The following DDX23 variants were observed in gnomAD, a reference collection of about 807,000 sequenced individuals.
DDX23 encodes the protein DEAD-box helicase 23.
A neutral mutation model predicts 102.7 loss-of-function variants in DDX23; 33 were observed. That is an observed-to-expected ratio of 0.32 (90% CI 0.24 to 0.43). The LOEUF (loss-of-function observed/expected upper bound fraction) is 0.43. Among genes scored for constraint, DDX23 ranks in the 20% least tolerant of loss-of-function variants. The pLI is 1.00. For synonymous variants in DDX23, 352 were observed against 376.0 expected, an observed-to-expected ratio of 0.94 and a Z score of 0.74; for missense variants, 549 against 1,086.6, an observed-to-expected ratio of 0.51 and a Z score of 6.96.
At chr12:48,842,261 G>A (rs1245780546) in intron 3 of DDX23, among the ~76,000 whole-genome samples, 194 of 144,724 alleles carry the variant, frequency 1.3e-3, no homozygotes, top group Non-Finnish European at 7.0e-4. Flanking sequence ...CCGCCCATCC[G>A]GGAGGGAGGT....
At chr12:48,833,158 A>T (rs901579472) in intron 13 of DDX23, 119 bp downstream of exon 13, 2 of 1,472,294 alleles carry the variant, frequency 1.4e-6, no homozygotes, top group Non-Finnish European at 1.8e-6. Flanking sequence ...CTAATTTTTT[A>T]AATTTTTGTA....
At chr12:48,835,642 G>A (rs1393475830) in intron 11 of DDX23, among the ~76,000 whole-genome samples, 13 of 152,126 alleles carry the variant, frequency 8.5e-5, no homozygotes, top group Admixed American at 6.5e-4. Flanking sequence ...CCTGGGAGGA[G>A]GAGGTTGCAG....
chr12:48,846,591 C>G (rs1405150558), intron 1 of DDX23, among the ~76,000 whole-genome samples: 1 of 152,174 alleles, frequency 6.6e-6, no homozygotes, highest in African/African-American at 2.4e-5. Flanking sequence ...CACACTTTTA[C>G]TCAGATTAAA....
intron 3 of DDX23, among the ~76,000 whole-genome samples, chr12:48,842,646 G>A (rs1461134882): frequency 6.7e-6 from 1 of 148,530 alleles, no homozygotes; most frequent in Non-Finnish European, 1.5e-5. Flanking sequence ...CCCTCTGCCC[G>A]GCCAGCCGCC....
chr12:48,838,081 C>G lies in DDX23; in HGVS notation c.481-1G>C. On this transcript the variant is annotated splice_acceptor_variant, in intron 5 of 16. Transcript: ENST00000308025. LOFTEE classifies it high-confidence loss of function. ...GTTCTGCTTTAGAGAGGAACTTGGG[C>G]TACAAAAGAGATTGGAACTGTCAAC... 1 of 1,614,118 alleles carries G rather than the reference C, an allele frequency of 6.2e-7. No homozygotes were observed. The highest frequency in any genetic ancestry group is 2.2e-5 in the East Asian group (1 of 44,882).
intron 1 of DDX23, among the ~76,000 whole-genome samples, chr12:48,849,064 A>C (rs971296128): frequency 6.6e-6 from 1 of 151,766 alleles, no homozygotes; most frequent in African/African-American, 2.4e-5. Flanking sequence ...CTAATTCTTA[A>C]AATTTTTATT....
intron 15 of DDX23, 66 bp from the exon 16 acceptor site, chr12:48,831,382 G>A (rs944542395): frequency 1.3e-5 from 20 of 1,508,222 alleles, no homozygotes; most frequent in Non-Finnish European, 1.8e-5. Flanking sequence ...GAGTTCAGAG[G>A]AATGGGACAC....
In DDX23 at chr12:48,832,305, A is replaced by C; in HGVS notation, c.1955+117T>G. On this transcript the variant is annotated intron_variant, in intron 14 of 16. Transcript: ENST00000308025. This position sits in a 1 kb window ranked among gnomAD's most constrained non-coding sequence, Gnocchi z 4.4. ...TAATGCCCATGACATTCTGCCCAAGAAAACAGCAGCTCTTCAACACAGCAG... is the reference window on the plus strand; with the variant it reads ...TAATGCCCATGACATTCTGCCCAAGCAAACAGCAGCTCTTCAACACAGCAG... 3 of 1,553,706 alleles carry C rather than the reference A, an allele frequency of 1.9e-6. No individual in the cohort carries two copies. The highest frequency in any genetic ancestry group is 2.6e-6 in the Non-Finnish European group (3 of 1,136,942).
chr12:48,837,362 C>T lies in DDX23; in HGVS notation c.785G>A (p.Arg262His). ...CCGGTCATTGAGATGTCTCGTTCGG[C>T]GCCGCTTTTTGATGCCACCCAGGTA... ...ERYLGGIKKRRRTRHLNDRKF... is the reference protein window; with the variant it reads ...ERYLGGIKKRHRTRHLNDRKF... The change falls in exon 8 of 17, where the codon CGC becomes CAC. Residue 262 changes from arginine (R) to histidine (H), a missense_variant. Arg to His is a conservative substitution (Grantham distance 29, BLOSUM62 0). Transcript: ENST00000308025. 6.2e-7 allele frequency: 1 copy of T among 1,614,170 alleles called. No individual in the cohort carries two copies. Among genetic ancestry groups the T allele is most frequent in the Non-Finnish European group, 8.5e-7 (1 of 1,180,034 alleles).
intron 1 of DDX23, among the ~76,000 whole-genome samples, chr12:48,848,957 T>C (rs1938714215): frequency 6.6e-6 from 1 of 151,978 alleles, no homozygotes; most frequent in African/African-American, 2.4e-5. Context: ...TTTCACCATG[T>C]TGGCCAGGCT....
At chr12:48,843,574 A>C (rs997246598) in intron 3 of DDX23, among the ~76,000 whole-genome samples, 1 of 135,216 alleles carries the variant, frequency 7.4e-6, no homozygotes, top group African/African-American at 2.8e-5. Flanking sequence ...TTTGAGACAG[A>C]GTCTTGCTCT....
chr12:48,844,313 C>G (rs1316951662), intron 2 of DDX23, among the ~76,000 whole-genome samples: 3 of 152,110 alleles, frequency 2.0e-5, no homozygotes, highest in African/African-American at 2.4e-5. Flanking sequence ...GAGTCTCACT[C>G]TCACGCCCAG....
intron 3 of DDX23, among the ~76,000 whole-genome samples, chr12:48,841,793 C>A (rs1192711636): frequency 6.6e-6 from 1 of 152,194 alleles, no homozygotes; most frequent in African/African-American, 2.4e-5. Flanking sequence ...AGTGCAGTGG[C>A]GTGATCTTGG....
intron 15 of DDX23, 187 bp downstream of exon 15, chr12:48,831,890 AG>A: frequency 1.6e-6 from 1 of 606,504 alleles, no homozygotes. Flanking sequence ...TGCAGCAGAC[AG>A]GGGGTCCCAG....
At chr12:48,833,127 G>A in intron 13 of DDX23, 150 bp downstream of exon 13, 1 of 1,167,950 alleles carries the variant, frequency 8.6e-7, no homozygotes, top group South Asian at 1.5e-5. Flanking sequence ...GGCACCACAG[G>A]TGTGCACCAC....
chr12:48,839,076 T>C (rs60935935), intron 5 of DDX23, among the ~76,000 whole-genome samples: 14 of 152,042 alleles, frequency 9.2e-5, no homozygotes, highest in Non-Finnish European at 1.5e-5. Flanking sequence ...GTTTTCACCA[T>C]GTTGCCTAGG....
chr12:48,845,977 G>C (rs7300206), intron 1 of DDX23, among the ~76,000 whole-genome samples, 195 bp from the exon 2 acceptor site: 3 of 152,216 alleles, frequency 2.0e-5, no homozygotes, highest in African/African-American at 7.2e-5. Flanking sequence ...GTTGCAGGCA[G>C]TCTGGCTCCA....
At chr12:48,849,560 G>T (rs1565680372) in intron 1 of DDX23, among the ~76,000 whole-genome samples, 2 of 152,066 alleles carry the variant, frequency 1.3e-5, no homozygotes, top group Non-Finnish European at 2.9e-5. Flanking sequence ...TACTCGGAAG[G>T]CTGAGGCAGA....
In DDX23 at chr12:48,836,548, G is replaced by A. The variant is rs1938469635; in HGVS notation, c.1236+21C>T. 2 of 1,605,380 alleles carry A rather than the reference G, an allele frequency of 1.2e-6. No individual in the cohort carries two copies. The highest frequency in any genetic ancestry group is 2.7e-5 in the African/African-American group (2 of 74,662). ...GTGTAGGAACATGTCAGATCTCTTGGGCCAATCTATCCCTCCTTACCTTGT... is the reference window on the plus strand; with the variant it reads ...GTGTAGGAACATGTCAGATCTCTTGAGCCAATCTATCCCTCCTTACCTTGT... On this transcript the variant is annotated intron_variant, in intron 10 of 16. Transcript: ENST00000308025. This position sits in a 1 kb window ranked among gnomAD's most constrained non-coding sequence, Gnocchi z 6.1.
Sources: allele counts gnomAD v4.1 joint callset (sites outside exome capture counted in the v4.1 genomes callset), GRCh38; gene constraint gnomAD v4.1.1; non-coding constraint Gnocchi (gnomAD v3.1); transcripts MANE v1.5; gene names NCBI Gene and HGNC (gene_info 2026-07-23, HGNC 2026-07-21).